Variants in FIP1L1 observed in about 807,000 individuals in gnomAD.
FIP1L1 encodes the protein pre-mRNA 3'-end-processing factor FIP1.
Under a neutral mutation model 84.6 loss-of-function variants are expected in FIP1L1, and 21 were observed. The ratio of observed to expected loss-of-function variants is 0.25; its 90% CI spans 0.18 to 0.36. The LOEUF (loss-of-function observed/expected upper bound fraction) is 0.36, where lower values mean the gene tolerates loss of function less well. Ranked by LOEUF, FIP1L1 falls within the 10% of genes least tolerant of loss-of-function variation. The pLI, the probability that FIP1L1 is intolerant of heterozygous loss-of-function variation, is 1.00. For missense variants in FIP1L1, 526 were observed against 751.1 expected, an observed-to-expected ratio of 0.70 and a Z score of 3.50; for synonymous variants, 263 against 242.3, an observed-to-expected ratio of 1.09 and a Z score of -0.80.
chr4:53,442,668 C>A lies in FIP1L1; in HGVS notation c.1190C>A (p.Pro397Gln). ...LIPPPGFPPPPGAPPPSLIPT... is the reference protein window; with the variant it reads ...LIPPPGFPPPQGAPPPSLIPT... ...AATGTTTCAGGTTTTCCTCCTCCAC[C>A]AGGCGCTCCACCTCCATCTCTTATA... The change falls in exon 14 of 18, where the codon CCA (proline) becomes CAA (glutamine). Residue 397 changes from proline (P) to glutamine (Q), a missense_variant. Pro to Gln is a moderately conservative substitution (Grantham distance 76). Coordinates refer to ENST00000337488, the MANE Select transcript of FIP1L1 (RefSeq NM_030917.4). 1 of 1,605,442 alleles carries A rather than the reference C, an allele frequency of 6.2e-7. No homozygotes were observed. The highest frequency in any genetic ancestry group is 8.5e-7 in the Non-Finnish European group (1 of 1,172,510).
chr4:53,427,325 A>G (rs978744312), intron 12 of FIP1L1, among the ~76,000 whole-genome samples: 2 of 152,188 alleles, frequency 1.3e-5, no homozygotes, highest in African/African-American at 2.4e-5. Context: ...GCTTATCAAA[A>G]ATCCAGATTT....
At chr4:53,417,289 A>G (rs1232095818) in intron 11 of FIP1L1, among the ~76,000 whole-genome samples, 1 of 152,150 alleles carries the variant, frequency 6.6e-6, no homozygotes, top group Non-Finnish European at 1.5e-5. Flanking sequence ...TAGTCTCAAG[A>G]ATATATGTGG....
Position 53,377,778 on chromosome 4 carries a change from G to T in FIP1L1, c.-61G>T. 6.9e-7 allele frequency: 1 copy of T among 1,438,942 alleles called. No individual in the cohort carries two copies. Among genetic ancestry groups the T allele is most frequent in the Non-Finnish European group, 9.3e-7 (1 of 1,078,030 alleles). 89.1% of individuals were successfully genotyped at this position (1,438,942 alleles called of 1,614,324 possible). Reference sequence around the variant, plus strand: ...CCTTCTCGCGCCTCGGGGCTGCGAGGCTGGGGAAGGGGTTGGAGGGGGCTG... The same window carrying T: ...CCTTCTCGCGCCTCGGGGCTGCGAGTCTGGGGAAGGGGTTGGAGGGGGCTG... On this transcript the variant is annotated 5_prime_UTR_variant, in exon 1 of 18. Transcript: ENST00000337488.
chr4:53,425,702 C>A, intron 11 of FIP1L1, 170 bp from the exon 12 acceptor site: 1 of 478,458 alleles, frequency 2.1e-6, no homozygotes, highest in Non-Finnish European at 3.8e-6. Context: ...ATTTTTATGA[C>A]AATGCAAAGT....
At chr4:53,393,708 G>A (rs374716671) in intron 9 of FIP1L1, among the ~76,000 whole-genome samples, 7 of 143,274 alleles carry the variant, frequency 4.9e-5, no homozygotes, top group Middle Eastern at 3.8e-3. Flanking sequence ...TGACTACAAC[G>A]TTTTCTTAAA....
At chr4:53,394,465 A>AT (rs751952158) in intron 9 of FIP1L1, among the ~76,000 whole-genome samples, 28 of 152,068 alleles carry the variant, frequency 1.8e-4, no homozygotes, top group Non-Finnish European at 3.5e-4. Flanking sequence ...TGGTAATCAG[A>AT]TTTTTTCAGA....
chr4:53,439,675 A>C (rs1024142323), intron 13 of FIP1L1, among the ~76,000 whole-genome samples: 16 of 152,120 alleles, frequency 1.1e-4, no homozygotes, highest in South Asian at 4.1e-4. Flanking sequence ...ACAACTTTTC[A>C]TGAAAAAGTT....
intron 13 of FIP1L1, among the ~76,000 whole-genome samples, chr4:53,441,143 A>T (rs1482745383): frequency 6.6e-6 from 1 of 151,798 alleles, no homozygotes; most frequent in South Asian, 2.1e-4. Context: ...TATGTGGCCC[A>T]GTGTTTTATT....
Position 53,458,663 on chromosome 4 carries a change from C to T in FIP1L1, c.1510C>T (p.Arg504Ter), listed in dbSNP as rs1182237812. The T allele has an allele frequency of 1.2e-6, 2 of 1,610,142 alleles. No homozygotes were observed. The highest frequency in any genetic ancestry group is 2.2e-5 in the East Asian group (1 of 44,826). ...TPSVFNSDEE[R>*]YRYREYAERG... Reference sequence around the variant, plus strand: ...CTATTTCAATTTCAGCGATGAAGAACGATACAGATACAGGGAATATGCAGA... The same window carrying T: ...CTATTTCAATTTCAGCGATGAAGAATGATACAGATACAGGGAATATGCAGA... The change falls in exon 17 of 18, where the codon CGA (arginine) becomes TGA (stop). Residue 504 changes from arginine to a stop codon, truncating the protein, a stop_gained. Coordinates refer to ENST00000337488, the MANE Select transcript of FIP1L1 (RefSeq NM_030917.4). LOFTEE classifies it high-confidence loss of function.
At chr4:53,390,881 C>T in intron 7 of FIP1L1, 128 bp from the exon 8 acceptor site, 2 of 786,244 alleles carry the variant, frequency 2.5e-6, no homozygotes, top group East Asian at 5.9e-5. Context: ...AGTCTTTTTG[C>T]CACCATAAAT....
At chr4:53,390,939 A>G in intron 7 of FIP1L1, 70 bp from the exon 8 acceptor site, 1 of 1,232,480 alleles carries the variant, frequency 8.1e-7, no homozygotes, top group East Asian at 2.5e-5. Flanking sequence ...TTTATAGTTT[A>G]GTATATTTTT....
chr4:53,412,755 A>G (rs965892723), intron 10 of FIP1L1, among the ~76,000 whole-genome samples: 10 of 152,016 alleles, frequency 6.6e-5, no homozygotes, highest in African/African-American at 1.4e-4. Flanking sequence ...CAAAGTTGCT[A>G]TTTTTTCCTT....
intron 11 of FIP1L1, among the ~76,000 whole-genome samples, chr4:53,418,090 A>G (rs1245032308): frequency 2.0e-5 from 3 of 151,896 alleles, no homozygotes; most frequent in Non-Finnish European, 4.4e-5. Flanking sequence ...GGAGTTTGAG[A>G]CCAGCATAGG....
intron 10 of FIP1L1, among the ~76,000 whole-genome samples, chr4:53,407,316 G>A (rs188080646): frequency 1.2e-4 from 18 of 152,190 alleles, no homozygotes; most frequent in East Asian, 3.9e-4. Context: ...GTAGTTGAGC[G>A]GTTCTGAGTG....
At chr4:53,445,347 A>G (rs904254031) in intron 15 of FIP1L1, among the ~76,000 whole-genome samples, 1 of 152,176 alleles carries the variant, frequency 6.6e-6, no homozygotes, top group African/African-American at 2.4e-5. Flanking sequence ...GTTGTGGAAC[A>G]TGTGGGGGAG....
At chr4:53,437,756 C>T (rs546662907) in intron 13 of FIP1L1, among the ~76,000 whole-genome samples, 22 of 151,892 alleles carry the variant, frequency 1.4e-4, no homozygotes, top group South Asian at 8.3e-4. Flanking sequence ...GATGGAGTCT[C>T]GCTCTGTTGC....
chr4:53,417,757 ACACACACTCTCT>A (rs1760297053), intron 11 of FIP1L1, among the ~76,000 whole-genome samples: 1 of 35,168 alleles, frequency 2.8e-5, no homozygotes, highest in African/African-American at 8.8e-5. Context: ...ACACACACAC[ACACACACTCTCT>A]CTCTCTCTCT....
chr4:53,440,794 CTG>C (rs1206646401), intron 13 of FIP1L1: 1 of 543,876 alleles, frequency 1.8e-6, no homozygotes, highest in African/African-American at 2.0e-5. Context: ...TTTCTTATAC[CTG>C]TCTTACCCGT....
chr4:53,408,507 C>T lies in FIP1L1; in HGVS notation c.816-6108C>T, dbSNP rs533377669. On this transcript the variant is annotated intron_variant, in intron 10 of 17. Coordinates refer to ENST00000337488, the MANE Select transcript of FIP1L1 (RefSeq NM_030917.4). ...CTCTTCTCAAGGAGTATCTTTGTGG[C>T]GTTCTCTGTATTTCCTCAATTTGAA... is the stretch of plus-strand genomic sequence containing the variant. 1.1e-3 allele frequency among the ~76,000 whole-genome samples: 166 copies of T among 152,148 alleles called. 1 individual carries two copies. Among genetic ancestry groups the T allele is most frequent in the Non-Finnish European group, 1.0e-3 (69 of 68,016 alleles).
Sources: gnomAD v4.1 joint callset for allele counts (sites outside exome capture counted in the v4.1 genomes callset) on GRCh38, gnomAD v4.1.1 for gene constraint, MANE v1.5 for transcripts, NCBI Gene and HGNC (gene_info 2026-07-23, HGNC 2026-07-21) for gene names.